Variants in CLCN4 observed in about 807,000 individuals in gnomAD.
CLCN4 encodes H(+)/Cl(-) exchange transporter 4.
A neutral mutation model predicts 41.7 loss-of-function variants in CLCN4; 1 was observed. The ratio of observed to expected loss-of-function variants is 0.02; its 90% confidence interval spans 0.01 to 0.11. The LOEUF is 0.11. Among genes scored for constraint, CLCN4 ranks in the 10% least tolerant of loss-of-function variants. The pLI, the probability that CLCN4 is intolerant of heterozygous loss-of-function variation, is 1.00. For missense variants in CLCN4, 287 were observed against 661.0 expected, an observed-to-expected ratio of 0.43 and a Z score of 6.20; for synonymous variants, 277 against 285.8, an observed-to-expected ratio of 0.97 and a Z score of 0.31.
In CLCN4 at chrX:10,220,710, C is replaced by T. The variant is rs745753940; in HGVS notation, c.2025C>T (p.Tyr675=). 2.5e-6 allele frequency: 3 copies of T among 1,211,473 alleles called. No individual in the cohort carries two copies. Among genetic ancestry groups the T allele is most frequent in the South Asian group, 3.5e-5 (2 of 56,960 alleles). ...QEGIVSNSIM[Y]FTEEPPELPA... ...GCATTGTGAGCAATTCCATCATGTA[C>T]TTCACGGAGGAACCCCCCGAGCTGC... Residue 675 remains tyrosine, a synonymous_variant, in exon 12 of 13, where the codon TAC becomes TAT. Coordinates refer to ENST00000380833, the MANE Select transcript of CLCN4 (RefSeq NM_001830.4).
chrX:10,205,090 C>T (rs1167729506), intron 6 of CLCN4, among the ~76,000 whole-genome samples: 1 of 110,926 alleles, frequency 9.0e-6, no homozygotes, highest in Non-Finnish European at 1.9e-5. Context: ...TTCCCTCAGC[C>T]TCAACTTCCT....
At position 10,236,398 on chromosome X, in the gene CLCN4, C is replaced by A. The variant is rs1925252639; in HGVS notation, c.*2814C>A. 8.9e-6 allele frequency: 1 copy of A among 112,082 alleles called. No individual in the cohort carries two copies. The highest frequency in any genetic ancestry group is 3.2e-5 in the African/African-American group (1 of 30,785). 9.2% of individuals were successfully genotyped at this position (112,082 alleles called of 1,213,427 possible). A position where few individuals can be genotyped will look rare whatever the true frequency, so the allele number is the denominator to read the frequency against. ...TGAACCTCTGATTTATTGTGGGGTT[C>A]AGGCTCTCCTCAATAGAAGGCCAGA... On this transcript the variant is annotated 3_prime_UTR_variant, in exon 13 of 13. Coordinates refer to ENST00000380833, the MANE Select transcript of CLCN4 (RefSeq NM_001830.4).
At chrX:10,192,405 AGAGGAGGTGATATAAATGCTG>A (rs1923991297) in intron 4 of CLCN4, among the ~76,000 whole-genome samples, 1 of 111,640 alleles carries the variant, frequency 9.0e-6, no homozygotes, top group Middle Eastern at 4.6e-3. Flanking sequence ...AAGACTTCCC[AGAGGAGGTGATATAAATGCTG>A]GAATCTGGAT....
chrX:10,207,314 C>A (rs186487552), intron 8 of CLCN4, among the ~76,000 whole-genome samples: 1 of 112,620 alleles, frequency 8.9e-6, no homozygotes, highest in Non-Finnish European at 1.9e-5. Flanking sequence ...TCATAACCAA[C>A]TTAATTAAGC....
At position 10,220,897 on chromosome X, in the gene CLCN4, G is replaced by A; in HGVS notation, c.2192+20G>A. 9 of 1,167,929 alleles carry A rather than the reference G, an allele frequency of 7.7e-6. No individual in the cohort carries two copies. Among genetic ancestry groups the A allele is most frequent in the Non-Finnish European group, 1.1e-5 (9 of 855,756 alleles). ...GAGCGGGTGAGTAGCCGGACATGTG[G>A]CCAGAATGACCTAGGGAGAAAAAGA... On this transcript the variant is annotated intron_variant, in intron 12 of 12. Transcript: ENST00000380833.
rs762035903 is a variant in CLCN4, at chrX:10,214,091, G to A, written c.1975+12G>A. The A allele has an allele frequency of 2.6e-6, 3 of 1,148,554 alleles. No individual in the cohort carries two copies. Among genetic ancestry groups the A allele is most frequent in the South Asian group, 4.2e-5 (2 of 47,614 alleles). 94.7% of individuals were successfully genotyped at this position (1,148,554 alleles called of 1,213,427 possible). On this transcript the variant is annotated intron_variant, in intron 11 of 12. Coordinates refer to ENST00000380833, the MANE Select transcript of CLCN4 (RefSeq NM_001830.4). Reference sequence around the variant, plus strand: ...GATTCTCGCAATAAGTGAGTAAAGAGAGGGAAGCTCACATTTTACCAAGAG... The same window carrying A: ...GATTCTCGCAATAAGTGAGTAAAGAAAGGGAAGCTCACATTTTACCAAGAG...
chrX:10,193,529 A>G (rs1282890332), intron 4 of CLCN4, among the ~76,000 whole-genome samples: 1 of 111,705 alleles, frequency 9.0e-6, no homozygotes, highest in African/African-American at 3.3e-5. Flanking sequence ...GCAGGAGAGC[A>G]TGATGTGGAA....
chrX:10,209,505 C>T (rs1353980281), intron 9 of CLCN4, among the ~76,000 whole-genome samples: 1 of 109,200 alleles, frequency 9.2e-6, no homozygotes, highest in Non-Finnish European at 1.9e-5. Context: ...GGATCATAGG[C>T]GTGAACCACC....
At chrX:10,205,685 G>A (rs868361407) in intron 6 of CLCN4, among the ~76,000 whole-genome samples, 1 of 103,141 alleles carries the variant, frequency 9.7e-6, no homozygotes, top group African/African-American at 3.6e-5. Flanking sequence ...ACGGCTCACT[G>A]CAGCCTTGAC....
At chrX:10,174,408 A>T (rs1300479516) in intron 2 of CLCN4, among the ~76,000 whole-genome samples, 2 of 112,644 alleles carry the variant, frequency 1.8e-5, no homozygotes, top group Non-Finnish European at 3.8e-5. Context: ...GGACCACTCT[A>T]GCAGCCCTTT....
At chrX:10,213,428 GT>G (rs1924620435) in intron 10 of CLCN4, among the ~76,000 whole-genome samples, 1 of 111,945 alleles carries the variant, frequency 8.9e-6, no homozygotes, top group Admixed American at 9.4e-5. Flanking sequence ...GTGGGCCACG[GT>G]GAATAGACAA....
At chrX:10,197,380 A>G (rs1302463131) in intron 5 of CLCN4, among the ~76,000 whole-genome samples, 2 of 111,634 alleles carry the variant, frequency 1.8e-5, no homozygotes, top group African/African-American at 3.3e-5. Context: ...TGTCTGGTTC[A>G]GCAGTTCTCG....
intron 12 of CLCN4, among the ~76,000 whole-genome samples, chrX:10,221,955 G>T (rs1415134039): frequency 4.4e-5 from 5 of 112,566 alleles, no homozygotes; most frequent in African/African-American, 1.3e-4. Flanking sequence ...ACTGGGTTCA[G>T]CTGGGTACAG....
chrX:10,231,345 ACC>A lies in CLCN4; in HGVS notation c.2193-2148_2193-2147del, dbSNP rs751153803. 2.9e-3 allele frequency among the ~76,000 whole-genome samples: 329 copies of A among 111,688 alleles called. 2 individuals are homozygous for A. Among genetic ancestry groups the A allele is most frequent in the African/African-American group, 0.01 (313 of 30,743 alleles). On this transcript the variant is annotated intron_variant, in intron 12 of 12. Transcript: ENST00000380833. ...GACGTTTTCTTTACATAACTACCAA[ACC>A]ATGATGATGTAAAATTAACAGTAAC...
chrX:10,215,021 G>C (rs993762737), intron 11 of CLCN4, among the ~76,000 whole-genome samples: 1 of 111,815 alleles, frequency 8.9e-6, no homozygotes, highest in Non-Finnish European at 1.9e-5. Flanking sequence ...CACATCCACG[G>C]GCACGCTCAC....
At chrX:10,225,390 T>C (rs772473577) in intron 12 of CLCN4, among the ~76,000 whole-genome samples, 17 of 112,615 alleles carry the variant, frequency 1.5e-4, no homozygotes, top group African/African-American at 4.2e-4. Context: ...GCTATATAAA[T>C]GTCTTCTTTT....
chrX:10,228,278 A>G (rs1456700167), intron 12 of CLCN4, among the ~76,000 whole-genome samples: 1 of 108,602 alleles, frequency 9.2e-6, no homozygotes, highest in East Asian at 2.9e-4. Context: ...TGAGACTCTA[A>G]GAAGCAAAAC....
At chrX:10,214,146 T>C in intron 11 of CLCN4, 67 bp downstream of exon 11, 1 of 1,050,221 alleles carries the variant, frequency 9.5e-7, no homozygotes, top group South Asian at 2.5e-5. Flanking sequence ...CCCCTAACAT[T>C]ATCCAAGATT....
At chrX:10,200,485 A>G (rs187605545) in intron 6 of CLCN4, among the ~76,000 whole-genome samples, 8 of 112,517 alleles carry the variant, frequency 7.1e-5, no homozygotes, top group African/African-American at 2.6e-4. Flanking sequence ...GGAAAATAGA[A>G]GCAGTAAGAG....
Sources: allele counts gnomAD v4.1 joint callset (sites outside exome capture counted in the v4.1 genomes callset), GRCh38; gene constraint gnomAD v4.1.1; transcripts MANE v1.5; gene names NCBI Gene and HGNC (gene_info 2026-07-23, HGNC 2026-07-21).